AP5M1: variants seen among roughly 807,000 people sequenced by gnomAD.
AP5M1 encodes the protein adaptor related protein complex 5 subunit mu 1, also known as AP-5 complex subunit mu-1.
In AP5M1, 44 loss-of-function variants were observed where a neutral mutation model predicts 52.3. That is an observed-to-expected ratio of 0.84 (90% CI 0.66 to 1.08). AP5M1 has a LOEUF of 1.08. Ranked by LOEUF, AP5M1 falls within the 50% of genes least tolerant of loss-of-function variation. The pLI, the probability that AP5M1 is intolerant of heterozygous loss-of-function variation, is 0.00. For synonymous variants in AP5M1, 213 were observed against 199.0 expected (o/e 1.07, Z -0.59); for missense variants, 526 against 568.4 (o/e 0.93, Z 0.76).
rs1297310591 is a variant in AP5M1, at chr14:57,274,801, T to C, written c.632T>C (p.Ile211Thr). 6.2e-7 allele frequency: 1 copy of C among 1,614,170 alleles called. No individual in the cohort carries two copies. Among genetic ancestry groups the C allele is most frequent in the Non-Finnish European group, 8.5e-7 (1 of 1,180,032 alleles). Residue 211 changes from isoleucine to threonine, a missense_variant, in exon 2 of 8, where the codon ATT becomes ACT. By Grantham distance (89) the Ile-to-Thr change is moderately conservative (BLOSUM62 -1). Transcript: ENST00000261558. ...GTYKGKPQVS[I>T]SITEKVKSMQ... is the part of the protein sequence containing the mutation. ...TACAAAGGAAAACCACAAGTTTCTA[T>C]TTCTATCACTGAAAAGGTAAAATCC...
At chr14:57,280,907 G>C (rs1238094405) in intron 3 of AP5M1, among the ~76,000 whole-genome samples, 2 of 151,718 alleles carry the variant, frequency 1.3e-5, no homozygotes, top group Non-Finnish European at 2.9e-5. Context: ...TTTGGTGTCG[G>C]TAACTATTTG....
chr14:57,282,013 A>T, intron 3 of AP5M1, 76 bp from the exon 4 acceptor site: 1 of 1,275,508 alleles, frequency 7.8e-7, no homozygotes, highest in Non-Finnish European at 1.1e-6. Context: ...ATTAAAAGTA[A>T]CTCTTTTCTC....
intron 7 of AP5M1, among the ~76,000 whole-genome samples, chr14:57,288,577 G>A (rs993927785): frequency 1.3e-5 from 2 of 151,952 alleles, no homozygotes; most frequent in Non-Finnish European, 2.9e-5. Flanking sequence ...ATAAATGAGA[G>A]ATATTTCATA....
intron 2 of AP5M1, among the ~76,000 whole-genome samples, chr14:57,277,306 GT>G (rs1466039732): frequency 6.6e-6 from 1 of 152,018 alleles, no homozygotes; most frequent in Non-Finnish European, 1.5e-5. Context: ...TTCCATGATG[GT>G]TGATCTTTCT....
At chr14:57,283,285 G>A (rs2139694086) in intron 6 of AP5M1, 55 bp downstream of exon 6, 3 of 1,026,410 alleles carry the variant, frequency 2.9e-6, no homozygotes, top group Non-Finnish European at 4.4e-6. Context: ...TTTATAAATT[G>A]CATATTTCTA....
At chr14:57,282,291 A>G (rs771862183) in intron 4 of AP5M1, 63 bp downstream of exon 4, 54 of 1,271,234 alleles carry the variant, frequency 4.2e-5, no homozygotes, top group Non-Finnish European at 5.4e-5. Flanking sequence ...ACTGTCCCAC[A>G]GTAAATTGTC....
rs1013752157 is a variant in AP5M1, at chr14:57,278,799, C to T, written c.721-1396C>T. 5.9e-5 allele frequency among the ~76,000 whole-genome samples: 9 copies of T among 152,096 alleles called. No individual in the cohort carries two copies. In the East Asian group the frequency reaches 7.7e-4, roughly 13 times the overall value. ...GAAATGCAAGAATCCAATATGACTA[C>T]GTGTAAGTTGCAGGGTAGAAAATTT... On this transcript the variant is annotated intron_variant, in intron 2 of 7. Coordinates refer to ENST00000261558, the MANE Select transcript of AP5M1 (RefSeq NM_018229.4).
At chr14:57,269,531 G>A (rs1442065592) in intron 1 of AP5M1, 143 bp downstream of exon 1, 4 of 703,510 alleles carry the variant, frequency 5.7e-6, no homozygotes, top group Non-Finnish European at 9.9e-6. Flanking sequence ...TGTTTCGTCT[G>A]TTAAATGGAG....
At chr14:57,269,650 CTG>C (rs1278761896) in intron 1 of AP5M1, among the ~76,000 whole-genome samples, 1 of 152,138 alleles carries the variant, frequency 6.6e-6, no homozygotes, top group African/African-American at 2.4e-5. Flanking sequence ...TGACCTCCGT[CTG>C]CTTAGAATTA....
intron 7 of AP5M1, among the ~76,000 whole-genome samples, chr14:57,288,183 T>G (rs946742490): frequency 5.9e-5 from 9 of 151,508 alleles, no homozygotes; most frequent in African/African-American, 2.2e-4. Context: ...AATTGGATAT[T>G]TAATTATATA....
intron 3 of AP5M1, among the ~76,000 whole-genome samples, chr14:57,280,913 A>G (rs1346175399): frequency 6.6e-6 from 1 of 152,042 alleles, no homozygotes; most frequent in Non-Finnish European, 1.5e-5. Context: ...GTCGGTAACT[A>G]TTTGTAAATA....
intron 6 of AP5M1, among the ~76,000 whole-genome samples, chr14:57,284,408 C>T (rs544819810): frequency 1.3e-5 from 2 of 151,980 alleles, no homozygotes; most frequent in Admixed American, 6.5e-5. Context: ...TAGTCTTTCA[C>T]AAGTGATACT....
At chr14:57,269,925 C>T (rs1444255107) in intron 1 of AP5M1, among the ~76,000 whole-genome samples, 1 of 152,184 alleles carries the variant, frequency 6.6e-6, no homozygotes. Flanking sequence ...TCTCCTGCCT[C>T]AGCCTCCCGA....
In AP5M1 at chr14:57,295,781, T is replaced by C. The variant is rs1323656378; in HGVS notation, c.*6897T>C. The C allele has an allele frequency of 6.6e-6, 1 of 151,174 alleles. No homozygotes were observed. The highest frequency in any genetic ancestry group is 1.5e-5 in the Non-Finnish European group (1 of 67,814). 9.4% of individuals were successfully genotyped at this position (151,174 alleles called of 1,614,324 possible). A position where few individuals can be genotyped will look rare whatever the true frequency, so the allele number is the denominator to read the frequency against. ...GGTATACCTTCCAGTTACTTCCAGA[T>C]GCTTTATGTAACTTTCCTCCCAGAA... On this transcript the variant is annotated 3_prime_UTR_variant, in exon 8 of 8. Transcript: ENST00000261558.
chr14:57,283,001 T>G lies in AP5M1; in HGVS notation c.1156T>G (p.Leu386Val). The change falls in exon 5 of 8, where the codon TTA becomes GTA. Residue 386 changes from leucine (L) to valine (V), a missense_variant. By Grantham distance (32) the Leu-to-Val change is conservative (BLOSUM62 1). Around this residue, in one of 3 missense-constraint regions of AP5M1, gnomAD observed 97 missense variants for 121.3 expected, o/e 0.80. Transcript: ENST00000261558. ...GQLEVFREKS[L>V]LIWIIGQKFP... Reference sequence around the variant, plus strand: ...GCTTGAAGTATTTCGAGAGAAAAGCTTATTGATCTGGATTATTGGTGAGCA... The same window carrying G: ...GCTTGAAGTATTTCGAGAGAAAAGCGTATTGATCTGGATTATTGGTGAGCA... The G allele has an allele frequency of 1.2e-6, 2 of 1,600,624 alleles. No homozygotes were observed. Among genetic ancestry groups the G allele is most frequent in the Admixed American group, 3.4e-5 (2 of 59,128 alleles).
In AP5M1 at chr14:57,280,381, C is replaced by G. The variant is rs1885142741; in HGVS notation, c.907C>G (p.Pro303Ala). ...TGGGCCTTACAAATTTCCATTCACTCCACCTTTAGAGTCATTCAACTTATG... is the reference window on the plus strand; with the variant it reads ...TGGGCCTTACAAATTTCCATTCACTGCACCTTTAGAGTCATTCAACTTATG... Reference protein sequence around the residue: ...FSGPYKFPFTPPLESFNLCFY... With the variant: ...FSGPYKFPFTAPLESFNLCFY... The change falls in exon 3 of 8, where the codon CCA becomes GCA. Residue 303 changes from proline to alanine, a missense_variant. This residue lies in a region of AP5M1 where 425 missense variants were observed against 430.6 expected (regional missense o/e 0.99). Coordinates refer to ENST00000261558, the MANE Select transcript of AP5M1 (RefSeq NM_018229.4). The G allele has an allele frequency of 6.2e-7, 1 of 1,613,698 alleles. No homozygotes were observed. Among genetic ancestry groups the G allele is most frequent in the African/African-American group, 1.3e-5 (1 of 74,912 alleles).
At chr14:57,270,278 T>A (rs1884855287) in intron 1 of AP5M1, among the ~76,000 whole-genome samples, 2 of 152,190 alleles carry the variant, frequency 1.3e-5, no homozygotes, top group Non-Finnish European at 2.9e-5. Flanking sequence ...TCAAAATAGC[T>A]CTGTTAAGGG....
At chr14:57,272,129 T>A (rs183910513) in intron 1 of AP5M1, among the ~76,000 whole-genome samples, 1 of 152,236 alleles carries the variant, frequency 6.6e-6, no homozygotes, top group African/African-American at 2.4e-5. Flanking sequence ...GTGTTCAGGA[T>A]ATTATTTCAG....
At position 57,269,267 on chromosome 14, in the gene AP5M1, G is replaced by C. The variant is rs763114228; in HGVS notation, c.-48G>C. 5.3e-5 allele frequency: 83 copies of C among 1,579,912 alleles called. No homozygotes were observed. The highest frequency in any genetic ancestry group is 8.7e-6 in the Non-Finnish European group (10 of 1,150,522). On this transcript the variant is annotated 5_prime_UTR_variant, in exon 1 of 8. Coordinates refer to ENST00000261558, the MANE Select transcript of AP5M1 (RefSeq NM_018229.4). The stretch of plus-strand genomic sequence containing the variant: ...AGAAAGCCGGTCTGCGCTGTTCCTC[G>C]GTGGCGACCTTAATTATGAGATGAG...
Sources: gnomAD v4.1 joint callset for allele counts (sites outside exome capture counted in the v4.1 genomes callset) on GRCh38, gnomAD v4.1.1 for gene constraint, gnomAD v4.1.1 regional missense constraint, MANE v1.5 for transcripts, NCBI Gene and HGNC (gene_info 2026-07-23, HGNC 2026-07-21) for gene names.